LRP5: variants seen among roughly 807,000 people sequenced by gnomAD.
The protein encoded by LRP5 is LDL receptor related protein 5, also known as low-density lipoprotein receptor-related protein 5.
LRP5 carries 62 observed loss-of-function variants against 154.1 expected under a neutral mutation model. The observed-to-expected ratio is 0.40, with a 90% CI of 0.33 to 0.50. The LOEUF (loss-of-function observed/expected upper bound fraction) is 0.50. LRP5 is among the 20% of genes least tolerant of loss of function. The probability of loss-of-function intolerance (pLI) is 0.55; values close to 1 mark genes in which losing one functional copy is unlikely to be tolerated. For missense variants in LRP5, 1,915 were observed against 2,336.7 expected (o/e 0.82, Z 3.72); for synonymous variants, 966 against 1,011.5 (o/e 0.96, Z 0.85).
chr11:68,363,687 C>T, intron 3 of LRP5, 60 bp from the exon 4 acceptor site: 1 of 1,353,604 alleles, frequency 7.4e-7, no homozygotes, highest in Non-Finnish European at 1.0e-6. Context: ...ATTGGGTCAG[C>T]AGCAATGACT....
Position 68,425,270 on chromosome 11 carries a change from C to T in LRP5, c.3405C>T (p.Arg1135=), listed in dbSNP as rs527947606. 3 of 1,609,990 alleles carry T rather than the reference C, an allele frequency of 1.9e-6. No homozygotes were observed. Among genetic ancestry groups the T allele is most frequent in the East Asian group, 2.2e-5 (1 of 44,878 alleles). ...KLFWVDADLK[R]IESCDLSGAN... The stretch of plus-strand genomic sequence containing the variant: ...TCTGGGTGGACGCGGACCTGAAGCG[C>T]ATTGAGAGCTGTGACCTGTCAGGTA... The change falls in exon 15 of 23, where the codon CGC becomes CGT. Residue 1135 remains arginine (R), a synonymous_variant. Coordinates refer to ENST00000294304, the MANE Select transcript of LRP5 (RefSeq NM_002335.4).
At chr11:68,365,786 G>A in intron 5 of LRP5, 84 bp downstream of exon 5, 1 of 1,369,168 alleles carries the variant, frequency 7.3e-7, no homozygotes, top group Non-Finnish European at 9.9e-7. Flanking sequence ...TGCCCCAGAA[G>A]GAACCTCGGC....
chr11:68,307,764 G>A (rs2098584768), upstream of LRP5, among the ~76,000 whole-genome samples: 1 of 152,216 alleles, frequency 6.6e-6, no homozygotes, highest in Admixed American at 6.5e-5. Context: ...GCTGTAGTGA[G>A]CCGTAATCAC....
intron 3 of LRP5, among the ~76,000 whole-genome samples, chr11:68,362,098 C>T (rs79475351): frequency 7.2e-5 from 11 of 152,282 alleles, no homozygotes; most frequent in South Asian, 2.1e-4. Context: ...ACCCCTAAAA[C>T]GGGATGAAGC....
chr11:68,317,336 C>G (rs1387393371), intron 1 of LRP5, among the ~76,000 whole-genome samples: 1 of 152,262 alleles, frequency 6.6e-6, no homozygotes, highest in Non-Finnish European at 1.5e-5. Flanking sequence ...AGCTCCTGCC[C>G]TGGGGCATCC....
At position 68,412,053 on chromosome 11, in the gene LRP5, C is replaced by T. The variant is rs190375494; in HGVS notation, c.2503+433C>T. ...TCGATCCCCACCCAGCCCTGAACCC[C>T]ACCATGTGCTGGGATTGTGCTGGGA... On this transcript the variant is annotated intron_variant, in intron 11 of 22. Transcript: ENST00000294304. Among the ~76,000 whole-genome samples, 208 of 152,314 alleles carry T rather than the reference C, an allele frequency of 1.4e-3. 1 individual carries two copies. The highest frequency in any genetic ancestry group is 4.8e-3 in the African/African-American group (200 of 41,556).
At chr11:68,415,637 T>C (rs11228230) in intron 12 of LRP5, among the ~76,000 whole-genome samples, 14,160 of 43,790 alleles carry the variant, frequency 0.32, 3,881 homozygotes, top group South Asian at 0.51. Flanking sequence ...CCCAGCTACT[T>C]GGGAGGCTGA....
At chr11:68,445,300 A>G (rs945475869) in intron 21 of LRP5, among the ~76,000 whole-genome samples, 1 of 152,002 alleles carries the variant, frequency 6.6e-6, no homozygotes, top group Non-Finnish European at 1.5e-5. Context: ...AGGTTTCACC[A>G]TGTTGGCCAG....
chr11:68,414,120 A>C, intron 12 of LRP5, 108 bp downstream of exon 12: 1 of 1,080,102 alleles, frequency 9.3e-7, no homozygotes, highest in Non-Finnish European at 1.4e-6. Flanking sequence ...GTGTACATAG[A>C]TGGTTGGGTA....
intron 5 of LRP5, among the ~76,000 whole-genome samples, chr11:68,384,333 C>T (rs917046302): frequency 6.6e-6 from 1 of 152,122 alleles, no homozygotes; most frequent in Non-Finnish European, 1.5e-5. Context: ...GCTGCAGGGC[C>T]AGGTCTAGGG....
chr11:68,359,277 CAG>C (rs2153136886), intron 3 of LRP5, among the ~76,000 whole-genome samples: 1 of 152,196 alleles, frequency 6.6e-6, no homozygotes, highest in East Asian at 1.9e-4. Context: ...AGCTCATTCT[CAG>C]GGCAAGAGGC....
chr11:68,330,920 T>A (rs1169414441), intron 1 of LRP5, among the ~76,000 whole-genome samples: 1 of 152,246 alleles, frequency 6.6e-6, no homozygotes, highest in Non-Finnish European at 1.5e-5. Context: ...CCTCTGACCG[T>A]TCTCTGCCCA....
chr11:68,368,239 A>C (rs1257804570), intron 5 of LRP5, among the ~76,000 whole-genome samples: 1 of 152,194 alleles, frequency 6.6e-6, no homozygotes, highest in Non-Finnish European at 1.5e-5. Flanking sequence ...GTCAGGAAGC[A>C]AGCCGGCACA....
intron 18 of LRP5, among the ~76,000 whole-genome samples, chr11:68,434,208 G>A (rs554915669): frequency 6.6e-6 from 1 of 152,340 alleles, no homozygotes; most frequent in South Asian, 2.1e-4. Flanking sequence ...TAGTGCTTAA[G>A]CCTGAGTGGT....
intron 18 of LRP5, among the ~76,000 whole-genome samples, chr11:68,436,511 G>A (rs950364854): frequency 2.0e-5 from 3 of 151,996 alleles, no homozygotes; most frequent in African/African-American, 7.3e-5. Flanking sequence ...CCCCACTCTC[G>A]GGAGGCGAGG....
intron 13 of LRP5, among the ~76,000 whole-genome samples, chr11:68,421,098 G>A (rs1393939379): frequency 6.6e-6 from 1 of 152,032 alleles, no homozygotes; most frequent in Non-Finnish European, 1.5e-5. Flanking sequence ...GTGGTGGCGG[G>A]CACCTGTAGT....
At chr11:68,354,645 TCACCCA>T (rs1747866015) in intron 2 of LRP5, among the ~76,000 whole-genome samples, 1 of 152,208 alleles carries the variant, frequency 6.6e-6, no homozygotes, top group Non-Finnish European at 1.5e-5. Flanking sequence ...CAGGAAAAGT[TCACCCA>T]CACCCGGGCT....
Position 68,353,207 on chromosome 11 carries a change from G to C in LRP5, c.489-4443G>C, listed in dbSNP as rs1392530477. 2.0e-5 allele frequency among the ~76,000 whole-genome samples: 3 copies of C among 152,144 alleles called. No individual in the cohort carries two copies. The highest frequency in any genetic ancestry group is 7.2e-5 in the African/African-American group (3 of 41,440). ...AATTCTCTCCCAGAAGCCCTCCCCA[G>C]GATCACACCTGTGGCTGTTCACTCC... On this transcript the variant is annotated intron_variant, in intron 2 of 22. Transcript: ENST00000294304. The surrounding 1 kb of genome is among the most constrained non-coding windows in gnomAD (Gnocchi z 4.5).
intron 22 of LRP5, 100 bp from the exon 23 acceptor site, chr11:68,448,709 C>T: frequency 6.9e-7 from 1 of 1,453,866 alleles, no homozygotes; most frequent in Non-Finnish European, 9.5e-7. Context: ...CTGGAGCTGG[C>T]CAGTGGACAG....
Sources: allele counts gnomAD v4.1 joint callset (sites outside exome capture counted in the v4.1 genomes callset), GRCh38; gene constraint gnomAD v4.1.1; non-coding constraint Gnocchi (gnomAD v3.1); transcripts MANE v1.5; gene names NCBI Gene and HGNC (gene_info 2026-07-23, HGNC 2026-07-21).